The following TP63 variants were observed in gnomAD, a reference collection of about 807,000 sequenced individuals.
The protein encoded by TP63 is tumor protein p63, also known as tumor protein 63.
TP63 carries 17 observed loss-of-function variants against 82.8 expected under a neutral mutation model. The observed-to-expected ratio is 0.21, with a 90% CI of 0.14 to 0.31. The LOEUF is 0.31. Among genes scored for constraint, TP63 ranks in the 10% least tolerant of loss-of-function variants. The pLI, the probability that TP63 is intolerant of heterozygous loss-of-function variation, is 1.00. For synonymous variants in TP63, 330 were observed against 321.7 expected, an observed-to-expected ratio of 1.03 and a Z score of -0.28; for missense variants, 648 against 895.3, an observed-to-expected ratio of 0.72 and a Z score of 3.52.
At chr3:189,607,053 C>A in the TP63 span, among the ~76,000 whole-genome samples, 1 of 152,104 alleles carries the variant, frequency 6.6e-6, no homozygotes, top group Non-Finnish European at 1.5e-5. Flanking sequence ...TGACTGTGAC[C>A]TAGAACCAGG....
chr3:189,609,497 C>T, the TP63 span, among the ~76,000 whole-genome samples: 1 of 151,882 alleles, frequency 6.6e-6, no homozygotes, highest in African/African-American at 2.4e-5. Flanking sequence ...AAGCCCAGTA[C>T]CCAATAGTTA....
intron 1 of TP63, among the ~76,000 whole-genome samples, chr3:189,661,213 G>A (rs544417838): frequency 5.9e-5 from 9 of 151,934 alleles, no homozygotes; most frequent in East Asian, 3.9e-4. Flanking sequence ...TAGGTTTGCC[G>A]TAGATCACTC....
intron 1 of TP63, among the ~76,000 whole-genome samples, chr3:189,671,242 C>T (rs1025910250): frequency 6.6e-6 from 1 of 151,906 alleles, no homozygotes; most frequent in African/African-American, 2.4e-5. Context: ...ATAAACATTT[C>T]TCAAAAGAAG....
At chr3:189,856,255 T>C (rs1298640258) in intron 4 of TP63, among the ~76,000 whole-genome samples, 2 of 151,152 alleles carry the variant, frequency 1.3e-5, no homozygotes, top group Non-Finnish European at 3.0e-5. Flanking sequence ...ACCTAGAGAA[T>C]TAATTTTCTT....
intron 3 of TP63, among the ~76,000 whole-genome samples, chr3:189,765,179 A>G (rs1029906915): frequency 4.6e-5 from 7 of 152,122 alleles, no homozygotes; most frequent in African/African-American, 1.2e-4. Context: ...CTGTTTAGGA[A>G]AAGAGACAAC....
At chr3:189,767,906 C>G (rs535420058) in intron 3 of TP63, among the ~76,000 whole-genome samples, 152 of 152,242 alleles carry the variant, frequency 1.0e-3, no homozygotes, top group African/African-American at 3.6e-3. Context: ...GTCACTAACC[C>G]TCTCTAGTGT....
chr3:189,618,883 T>G, the TP63 span, among the ~76,000 whole-genome samples: 1 of 152,182 alleles, frequency 6.6e-6, no homozygotes, highest in Non-Finnish European at 1.5e-5. Context: ...GAAATTTCTC[T>G]TCATTTAGCA....
At chr3:189,680,462 A>G (rs1208522254) in intron 1 of TP63, among the ~76,000 whole-genome samples, 1 of 152,180 alleles carries the variant, frequency 6.6e-6, no homozygotes, top group African/African-American at 2.4e-5. Flanking sequence ...CACTGATACT[A>G]AATCCGCCTA....
chr3:189,886,387 T>A lies in TP63; in HGVS notation c.1350-7T>A, dbSNP rs1304903968. 6.2e-7 allele frequency: 1 copy of A among 1,613,760 alleles called. No homozygotes were observed. Among genetic ancestry groups the A allele is most frequent in the African/African-American group, 1.3e-5 (1 of 74,938 alleles). ...GCTCACCATTATTTCCATGTTTGTC[T>A]TCCTAGGACCTCAATACAGTCTCCA... is the stretch of plus-strand genomic sequence containing the variant. On this transcript the variant is annotated splice_region_variant and splice_polypyrimidine_tract_variant and intron_variant, in intron 10 of 13. Coordinates refer to ENST00000264731, the MANE Select transcript of TP63 (RefSeq NM_003722.5).
At chr3:189,715,278 G>C (rs1026090197) in intron 1 of TP63, among the ~76,000 whole-genome samples, 2 of 152,142 alleles carry the variant, frequency 1.3e-5, no homozygotes, top group African/African-American at 4.8e-5. Context: ...CTGCCAGAAG[G>C]GAAATATCTG....
At chr3:189,795,872 G>A (rs1366062981) in intron 3 of TP63, among the ~76,000 whole-genome samples, 2 of 152,052 alleles carry the variant, frequency 1.3e-5, no homozygotes, top group East Asian at 3.9e-4. Flanking sequence ...CTGAAAAGTT[G>A]AGGATTACCT....
At chr3:189,725,597 C>A (rs1469102896) in intron 1 of TP63, among the ~76,000 whole-genome samples, 2 of 151,966 alleles carry the variant, frequency 1.3e-5, no homozygotes, top group African/African-American at 4.8e-5. Flanking sequence ...ATATTTCCTT[C>A]ACTTTGAAGG....
At chr3:189,760,210 C>G (rs561341133) in intron 3 of TP63, among the ~76,000 whole-genome samples, 2 of 152,274 alleles carry the variant, frequency 1.3e-5, no homozygotes, top group South Asian at 4.1e-4. Flanking sequence ...TCATGCCTTC[C>G]CAACAGTCCC....
At chr3:189,877,125 C>T (rs533440152) in intron 10 of TP63, among the ~76,000 whole-genome samples, 52 of 152,208 alleles carry the variant, frequency 3.4e-4, no homozygotes, top group Admixed American at 1.2e-3. Flanking sequence ...TAGGCTTTAT[C>T]GAAGATAGAC....
chr3:189,788,886 T>G (rs915137413), intron 3 of TP63, among the ~76,000 whole-genome samples: 1 of 150,806 alleles, frequency 6.6e-6, no homozygotes, highest in South Asian at 2.1e-4. Context: ...TAGTATAAAC[T>G]GGGTACAATA....
At chr3:189,635,263 G>T (rs966189524) in intron 1 of TP63, among the ~76,000 whole-genome samples, 1 of 151,948 alleles carries the variant, frequency 6.6e-6, no homozygotes, top group Non-Finnish European at 1.5e-5. Flanking sequence ...CTTTACTGGC[G>T]TAAAGGTCAA....
At chr3:189,812,425 A>G (rs950867744) in intron 4 of TP63, among the ~76,000 whole-genome samples, 2 of 152,238 alleles carry the variant, frequency 1.3e-5, no homozygotes, top group Non-Finnish European at 2.9e-5. Flanking sequence ...TTATTTCCAC[A>G]ATTTAATTGA....
At chr3:189,665,646 G>A (rs1191600148) in intron 1 of TP63, among the ~76,000 whole-genome samples, 2 of 152,022 alleles carry the variant, frequency 1.3e-5, no homozygotes, top group Non-Finnish European at 2.9e-5. Context: ...TAATTCTGGA[G>A]TCACACTTCA....
intron 4 of TP63, among the ~76,000 whole-genome samples, chr3:189,862,649 A>G (rs1717185242): frequency 6.6e-6 from 1 of 152,238 alleles, no homozygotes; most frequent in Non-Finnish European, 1.5e-5. Context: ...CCTCCTAACG[A>G]AAACACGAAT....
Sources: gnomAD v4.1 joint callset for allele counts (sites outside exome capture counted in the v4.1 genomes callset) on GRCh38, gnomAD v4.1.1 for gene constraint, MANE v1.5 for transcripts, NCBI Gene and HGNC (gene_info 2026-07-23, HGNC 2026-07-21) for gene names.